MTFR1: variants seen among roughly 807,000 people sequenced by gnomAD.
The protein encoded by MTFR1 is chondrocyte protein with a poly-proline region.
In MTFR1, 28 loss-of-function variants were observed where a neutral mutation model predicts 38.8. That is an observed-to-expected ratio of 0.72 (90% CI 0.53 to 0.99). The LOEUF is 0.99. Among genes scored for constraint, MTFR1 ranks in the 50% least tolerant of loss-of-function variants. The pLI is 0.00. For missense variants in MTFR1, 358 were observed against 395.5 expected (o/e 0.91, Z 0.81); for synonymous variants, 145 against 137.0 (o/e 1.06, Z -0.41).
Position 65,707,038 on chromosome 8 carries a change from C to A in MTFR1, c.546C>A (p.Thr182=). Residue 182 remains threonine (T), a synonymous_variant, in exon 6 of 8, where the codon ACC becomes ACA. Coordinates refer to ENST00000262146, the MANE Select transcript of MTFR1 (RefSeq NM_014637.4). ...ACTTAGATTCTACCACATTTGGTACCATACCACCACACCCTCCACCTCCCC... is the reference window on the plus strand; with the variant it reads ...ACTTAGATTCTACCACATTTGGTACAATACCACCACACCCTCCACCTCCCC... ...AGDLDSTTFG[T]IPPHPPPPPP... is the part of the protein sequence containing the mutation. The A allele has an allele frequency of 6.2e-7, 1 of 1,610,926 alleles. No individual in the cohort carries two copies. Among genetic ancestry groups the A allele is most frequent in the South Asian group, 1.1e-5 (1 of 90,428 alleles).
chr8:65,701,809 A>G (rs912087655), intron 4 of MTFR1, among the ~76,000 whole-genome samples: 22 of 152,260 alleles, frequency 1.4e-4, no homozygotes, highest in African/African-American at 4.8e-4. Flanking sequence ...AAGAGTCCAT[A>G]GGAAATACTT....
chr8:65,711,596 C>T (rs910513525), downstream of MTFR1, among the ~76,000 whole-genome samples: 1 of 152,186 alleles, frequency 6.6e-6, no homozygotes, highest in African/African-American at 2.4e-5. Flanking sequence ...GCATTCTTCT[C>T]TGCTACCCTA....
chr8:65,754,732 T>C (rs928938147), intron 3 of MTFR1, among the ~76,000 whole-genome samples: 1 of 150,352 alleles, frequency 6.7e-6, no homozygotes, highest in African/African-American at 2.4e-5. Flanking sequence ...TTTGGGAGGC[T>C]GAGGCGAGTG....
chr8:65,667,384 ATACT>A (rs1804413595), intron 1 of MTFR1, among the ~76,000 whole-genome samples: 1 of 151,890 alleles, frequency 6.6e-6, no homozygotes, highest in African/African-American at 2.4e-5. Context: ...TTAAAAAATA[ATACT>A]TAATTTAAAC....
At chr8:65,758,410 G>GA (rs1808337179) in intron 3 of MTFR1, among the ~76,000 whole-genome samples, 1 of 152,128 alleles carries the variant, frequency 6.6e-6, no homozygotes, top group African/African-American at 2.4e-5. Flanking sequence ...GGGGAAGAAA[G>GA]AAAAAAACTA....
chr8:65,699,817 A>T (rs1805558125), intron 4 of MTFR1, among the ~76,000 whole-genome samples: 1 of 152,176 alleles, frequency 6.6e-6, no homozygotes, highest in South Asian at 2.1e-4. Context: ...AATTCTATTT[A>T]AGACTGTTCA....
chr8:65,731,966 A>ATAT (rs137999443), intron 3 of MTFR1, among the ~76,000 whole-genome samples: 5,000 of 151,146 alleles, frequency 0.033, 94 homozygotes, highest in African/African-American at 0.043. Context: ...GTCATTCTCT[A>ATAT]TATTATTATT....
At chr8:65,745,528 G>T in intron 3 of MTFR1, 1 of 935,086 alleles carries the variant, frequency 1.1e-6, no homozygotes, top group Non-Finnish European at 1.7e-6. Context: ...TTGTCTTTTG[G>T]AGATATTCCA....
At chr8:65,696,743 C>G (rs1231295766) in intron 4 of MTFR1, among the ~76,000 whole-genome samples, 1 of 151,836 alleles carries the variant, frequency 6.6e-6, no homozygotes, top group Non-Finnish European at 1.5e-5. Context: ...TTACTGCAAC[C>G]TCCGCCTCCT....
rs1002381913 is a variant in MTFR1 at position 65,704,771 on chromosome 8, T to TA, written c.360dup (p.Pro121ThrfsTer18). Reference sequence around the variant, plus strand: ...AAGGCCCCAAGCAGACAGATTTCCTTACCAGACTTGTCTCAAGAAGAGCCT... The same window carrying TA: ...AAGGCCCCAAGCAGACAGATTTCCTTAACCAGACTTGTCTCAAGAAGAGCCT... On this transcript the variant is annotated frameshift_variant, in exon 5 of 8. Coordinates refer to ENST00000262146, the MANE Select transcript of MTFR1 (RefSeq NM_014637.4). LOFTEE classifies it high-confidence loss of function. 3.7e-6 allele frequency: 6 copies of TA among 1,614,086 alleles called. No individual in the cohort carries two copies. The highest frequency in any genetic ancestry group is 5.1e-6 in the Non-Finnish European group (6 of 1,179,998).
intron 5 of MTFR1, among the ~76,000 whole-genome samples, chr8:65,706,325 A>G (rs10105283): frequency 0.031 from 4,730 of 152,304 alleles, 244 homozygotes; most frequent in African/African-American, 0.11. Context: ...TTTTACATCA[A>G]CACCTCCCCA....
At chr8:65,714,299 A>T (rs1420317133), downstream of MTFR1, 1 of 151,690 alleles carries the variant, frequency 6.6e-6, no homozygotes, top group African/African-American at 2.4e-5. Context: ...TTAGTAATAA[A>T]TCGATAGCTA....
chr8:65,678,840 G>A (rs998005284), intron 2 of MTFR1, among the ~76,000 whole-genome samples: 5 of 151,846 alleles, frequency 3.3e-5, no homozygotes, highest in Admixed American at 1.3e-4. Flanking sequence ...AGCCGAGATC[G>A]CACCACTGCA....
intron 3 of MTFR1, among the ~76,000 whole-genome samples, chr8:65,760,371 A>C (rs1245278078): frequency 1.3e-5 from 2 of 152,354 alleles, no homozygotes; most frequent in East Asian, 3.9e-4. Context: ...AACTGTTTCA[A>C]ACTTTTATTT....
At chr8:65,741,343 A>G (rs779882143) in intron 3 of MTFR1, among the ~76,000 whole-genome samples, 4 of 152,206 alleles carry the variant, frequency 2.6e-5, no homozygotes, top group Non-Finnish European at 4.4e-5. Flanking sequence ...TAAAAGACAT[A>G]CTAGTCCCAA....
Position 65,669,889 on chromosome 8 carries a change from T to C in MTFR1, c.-64T>C. The C allele has an allele frequency of 8.0e-7, 1 of 1,249,126 alleles. No individual in the cohort carries two copies. Among genetic ancestry groups the C allele is most frequent in the East Asian group, 2.3e-5 (1 of 42,860 alleles). 77.4% of individuals were successfully genotyped at this position (1,249,126 alleles called of 1,614,324 possible). On this transcript the variant is annotated 5_prime_UTR_variant, in exon 2 of 8. The change abolishes an upstream ATG in the 5' untranslated region. Transcript: ENST00000262146. ...AATTTTCAGTGTGTTTTATGGACCATGTGCTGCTATGTATGCCTGAAGAAG... is the reference window on the plus strand; with the variant it reads ...AATTTTCAGTGTGTTTTATGGACCACGTGCTGCTATGTATGCCTGAAGAAG...
intron 3 of MTFR1, among the ~76,000 whole-genome samples, chr8:65,726,276 G>A (rs910837105): frequency 4.6e-5 from 7 of 152,216 alleles, no homozygotes; most frequent in South Asian, 2.1e-4. Flanking sequence ...CATCACCATC[G>A]TGTTAGCCTT....
chr8:65,743,843 T>C (rs905765485), intron 3 of MTFR1, among the ~76,000 whole-genome samples: 1 of 152,028 alleles, frequency 6.6e-6, no homozygotes, highest in Non-Finnish European at 1.5e-5. Flanking sequence ...GAATTGCTTT[T>C]TTTTTTTTTG....
At chr8:65,659,999 C>T (rs752759677) in intron 1 of MTFR1, among the ~76,000 whole-genome samples, 2 of 152,068 alleles carry the variant, frequency 1.3e-5, no homozygotes, top group Non-Finnish European at 2.9e-5. Flanking sequence ...TTTAAAAAAA[C>T]CATCTGTGGG....
Sources: gnomAD v4.1 joint callset for allele counts (sites outside exome capture counted in the v4.1 genomes callset) on GRCh38, gnomAD v4.1.1 for gene constraint, MANE v1.5 for transcripts, NCBI Gene and HGNC (gene_info 2026-07-23, HGNC 2026-07-21) for gene names.